DGKZ: variants seen among roughly 807,000 people sequenced by gnomAD.
DGKZ encodes DAG kinase zeta.
A neutral mutation model predicts 142.5 loss-of-function variants in DGKZ; 45 were observed. The observed-to-expected ratio is 0.32, with a 90% CI of 0.25 to 0.40. The LOEUF (loss-of-function observed/expected upper bound fraction) is 0.40, where lower values mean the gene tolerates loss of function less well. Ranked by LOEUF, DGKZ falls within the 10% of genes least tolerant of loss-of-function variation. The pLI is 1.00. For synonymous variants in DGKZ, 442 were observed against 527.0 expected (o/e 0.84, Z 2.21); for missense variants, 755 against 1,306.5 (o/e 0.58, Z 6.51).
upstream of DGKZ, chr11:46,345,250 G>A (rs1940498925): frequency 1.0e-5 from 14 of 1,355,532 alleles, no homozygotes; most frequent in Non-Finnish European, 1.3e-5. This position sits in a 1 kb window ranked among gnomAD's most constrained non-coding sequence, Gnocchi z 4.1. Context: ...TTGCTTTCTT[G>A]TGCAGCTCTT....
chr11:46,367,770 C>T lies in DGKZ; in HGVS notation c.366+23C>T, dbSNP rs1442750008. On this transcript the variant is annotated intron_variant, in intron 3 of 30. Coordinates refer to ENST00000527911, the Ensembl canonical transcript of DGKZ. The surrounding 1 kb of genome is among the most constrained non-coding windows in gnomAD (Gnocchi z 4.1). Reference sequence around the variant, plus strand: ...CTGGTGAGTGCTCGTAGGGGCACGCCGCCCCCTGCTGGTGGAGCCAGTAGC... The same window carrying T: ...CTGGTGAGTGCTCGTAGGGGCACGCTGCCCCCTGCTGGTGGAGCCAGTAGC... 5.0e-6 allele frequency: 8 copies of T among 1,611,096 alleles called. 1 individual carries two copies. Among genetic ancestry groups the T allele is most frequent in the Middle Eastern group, 1.7e-4 (1 of 5,950 alleles).
At position 46,349,560 on chromosome 11, in the gene DGKZ, C is replaced by CAA. The variant is rs11411627; in HGVS notation, c.161+1748_161+1749dup. 1.6e-3 allele frequency among the ~76,000 whole-genome samples: 248 copies of CAA among 151,210 alleles called. 3 individuals are homozygous for CAA. Among genetic ancestry groups the CAA allele is most frequent in the Non-Finnish European group, 2.4e-3 (162 of 67,724 alleles). ...AGGTGGTATTCTTCCTTTTGTAAAA[C>CAA]AAAAAAAAACCAATTTTTTGTAGAG... On this transcript the variant is annotated intron_variant, in intron 1 of 30. Coordinates refer to ENST00000527911, the Ensembl canonical transcript of DGKZ.
intron 30 of DGKZ, 71 bp downstream of exon 30, chr11:46,379,639 TG>T: frequency 7.1e-7 from 1 of 1,410,316 alleles, no homozygotes; most frequent in Non-Finnish European, 9.6e-7. Context: ...AGGCGGGAGC[TG>T]GGGCTGGGGG....
rs114974750 is a variant in DGKZ at position 46,347,717 on chromosome 11, G to C, written c.58G>C (p.Ala20Pro). 4 of 1,402,358 alleles carry C rather than the reference G, an allele frequency of 2.9e-6. No individual in the cohort carries two copies. The highest frequency in any genetic ancestry group is 3.7e-6 in the Non-Finnish European group (4 of 1,074,774). The allele number at this position is 1,402,358 out of a possible 1,614,324, so 86.9% of individuals were successfully genotyped here. ...GAGCAGCGACTCCGAGTCGGCTTCC[G>C]CCTCGTCCAGCGGCTCCGAGCGCGA... Residue 20 changes from alanine to proline, a missense_variant, in exon 1 of 31, where the codon GCC becomes CCC. Coordinates refer to ENST00000527911, the Ensembl canonical transcript of DGKZ. The surrounding 1 kb of genome is among the most constrained non-coding windows in gnomAD (Gnocchi z 6.4).
At chr11:46,370,952 G>A (rs1167891478) in intron 6 of DGKZ, among the ~76,000 whole-genome samples, 1 of 152,108 alleles carries the variant, frequency 6.6e-6, no homozygotes, top group Non-Finnish European at 1.5e-5. Context: ...GGGCGTAGTG[G>A]TGGGCGCCTG....
intron 1 of DGKZ, among the ~76,000 whole-genome samples, chr11:46,353,302 C>T (rs1287087734): frequency 6.6e-6 from 1 of 152,224 alleles, no homozygotes; most frequent in Non-Finnish European, 1.5e-5. Flanking sequence ...CTTAGGAGTA[C>T]TCTTTTCTTC....
intron 6 of DGKZ, 52 bp from the exon 7 acceptor site, chr11:46,371,261 G>T: frequency 1.3e-6 from 2 of 1,560,104 alleles, no homozygotes; most frequent in Admixed American, 1.7e-5. Flanking sequence ...AGAGGGGCTG[G>T]GTCTGCTGCT....
intron 1 of DGKZ, chr11:46,366,788 T>G: frequency 1.3e-6 from 2 of 1,548,080 alleles, no homozygotes; most frequent in Non-Finnish European, 1.7e-6. Context: ...CCACGCTCTC[T>G]GGGGCCTGCA....
chr11:46,337,075 G>A (rs1248473900), intron 1 of DGKZ, among the ~76,000 whole-genome samples: 3 of 152,010 alleles, frequency 2.0e-5, no homozygotes, highest in Non-Finnish European at 2.9e-5. Flanking sequence ...CTCCATCTGG[G>A]GGAAAGGAAA....
chr11:46,364,541 T>C, intron 1 of DGKZ: 1 of 985,408 alleles, frequency 1.0e-6, no homozygotes, highest in East Asian at 1.1e-4. Flanking sequence ...CTGAGGCAGC[T>C]GGAAACTCCA....
rs751015039 is a variant in DGKZ, at chr11:46,368,190, A to G, written c.444+111A>G. Reference sequence around the variant, plus strand: ...AACGGCCTGCCAGGAGTGACCCAGCACTCGGGGGTGAAGAGTCAAGGACCC... The same window carrying G: ...AACGGCCTGCCAGGAGTGACCCAGCGCTCGGGGGTGAAGAGTCAAGGACCC... On this transcript the variant is annotated intron_variant, in intron 4 of 30. Coordinates refer to ENST00000527911, the Ensembl canonical transcript of DGKZ. 1.6e-5 allele frequency: 19 copies of G among 1,160,060 alleles called. No individual in the cohort carries two copies. The Admixed American group carries it at 3.7e-4, about 22-fold the overall frequency. The allele number at this position is 1,160,060 out of a possible 1,614,324, so 71.9% of individuals were successfully genotyped here. A position where few individuals can be genotyped will look rare whatever the true frequency, so the allele number is the denominator to read the frequency against.
At position 46,379,453 on chromosome 11, in the gene DGKZ, G is replaced by A; in HGVS notation, c.2574-1G>A. 2.5e-6 allele frequency: 4 copies of A among 1,604,206 alleles called. No homozygotes were observed. Among genetic ancestry groups the A allele is most frequent in the Non-Finnish European group, 3.4e-6 (4 of 1,175,766 alleles). ...GGGGACGGGATGGGGTACACAGCCA[G>A]CCCCTGCTCCCCCAGCGGGGAGACC... On this transcript the variant is annotated splice_acceptor_variant, in intron 29 of 30. Coordinates refer to ENST00000527911, the Ensembl canonical transcript of DGKZ. LOFTEE classifies it high-confidence loss of function.
At position 46,379,539 on chromosome 11, in the gene DGKZ, G is replaced by C. The variant is rs1355205151; in HGVS notation, c.2659G>C (p.Gly887Arg). ...CATCTGCCACTACATCGTGGAGGCC[G>C]GGGCCTCGCTCATGAAGACAGACCA... Residue 887 changes from glycine (G) to arginine (R), a missense_variant, in exon 30 of 31, where the codon GGG becomes CGG. Gly to Arg is a moderately radical substitution (Grantham distance 125). This residue lies in a region of DGKZ where 100 missense variants were observed against 87.7 expected (regional missense o/e 1.14). Transcript: ENST00000527911. 1.9e-6 allele frequency: 3 copies of C among 1,610,546 alleles called. No homozygotes were observed. Among genetic ancestry groups the C allele is most frequent in the Non-Finnish European group, 1.7e-6 (2 of 1,179,152 alleles).
intron 1 of DGKZ, among the ~76,000 whole-genome samples, chr11:46,340,412 A>G (rs1348507966): frequency 6.6e-6 from 1 of 152,156 alleles, no homozygotes; most frequent in Non-Finnish European, 1.5e-5. Context: ...TTTTGAGCAG[A>G]TGCAGCTGAC....
At chr11:46,358,546 C>T (rs1414275425) in intron 1 of DGKZ, among the ~76,000 whole-genome samples, 1 of 152,174 alleles carries the variant, frequency 6.6e-6, no homozygotes, top group Non-Finnish European at 1.5e-5. Context: ...TTATTTGTTG[C>T]CAGGCACAGG....
intron 1 of DGKZ, chr11:46,366,155 T>TG: frequency 7.1e-7 from 1 of 1,404,364 alleles, no homozygotes; most frequent in Non-Finnish European, 9.2e-7. Context: ...TCCCTTCTCA[T>TG]GGGGCAGAGG....
chr11:46,344,343 C>T (rs367702742), upstream of DGKZ, among the ~76,000 whole-genome samples: 200 of 152,156 alleles, frequency 1.3e-3, no homozygotes, highest in Middle Eastern at 0.017. Context: ...CTATGTTCTC[C>T]GATACGGTGC....
intron 6 of DGKZ, 105 bp from the exon 7 acceptor site, chr11:46,371,208 A>G (rs1261950381): frequency 1.0e-4 from 117 of 1,119,558 alleles, no homozygotes; most frequent in Non-Finnish European, 9.0e-5. Flanking sequence ...CCTGGGCAAC[A>G]TAGCGAGGCC....
Position 46,379,169 on chromosome 11 carries a change from C to G in DGKZ, c.2540-34C>G, listed in dbSNP as rs770683968. 2.5e-6 allele frequency: 4 copies of G among 1,612,350 alleles called. No individual in the cohort carries two copies. The African/African-American group carries it at 4.0e-5, about 16-fold the overall frequency. ...CCAAGGTGGGAGGAGGAGGGGCTGC[C>G]AGGCCTCTCTGACCACCACCTCCCC... is the stretch of plus-strand genomic sequence containing the variant. On this transcript the variant is annotated intron_variant, in intron 28 of 30. Transcript: ENST00000527911.
Sources: gnomAD v4.1 joint callset for allele counts (sites outside exome capture counted in the v4.1 genomes callset) on GRCh38, gnomAD v4.1.1 for gene constraint, gnomAD v4.1.1 regional missense constraint, Gnocchi (gnomAD v3.1) non-coding constraint, MANE v1.5 for transcripts, NCBI Gene and HGNC (gene_info 2026-07-23, HGNC 2026-07-21) for gene names.